Variants in WNT2B observed in about 807,000 individuals in gnomAD.
WNT2B encodes the protein protein Wnt-2b.
WNT2B carries 19 observed loss-of-function variants against 40.5 expected under a neutral mutation model. The observed-to-expected ratio is 0.47, with a 90% CI of 0.33 to 0.69. The LOEUF (loss-of-function observed/expected upper bound fraction) is 0.69. WNT2B is among the 30% of genes least tolerant of loss of function. WNT2B has a pLI of 0.02. For synonymous variants in WNT2B, 220 were observed against 211.9 expected (o/e 1.04, Z -0.33); for missense variants, 467 against 556.4 (o/e 0.84, Z 1.62).
In WNT2B at chr1:112,513,652, G is replaced by A. The variant is rs546625790; in HGVS notation, c.183-1222G>A. On this transcript the variant is annotated intron_variant, in intron 1 of 4. Transcript: ENST00000369684. ...CCACTTCTAGGCCCATTTTGGGGCC[G>A]TTCCCAAACCACAGGCTCATTCATA... Among the ~76,000 whole-genome samples the A allele has an allele frequency of 2.3e-4, 35 of 152,292 alleles. No homozygotes were observed. In the South Asian group the frequency reaches 7.0e-3, roughly 31 times the overall value.
At chr1:112,478,069 A>G (rs1651104357) in intron 1 of WNT2B, among the ~76,000 whole-genome samples, 1 of 152,152 alleles carries the variant, frequency 6.6e-6, no homozygotes, top group African/African-American at 2.4e-5. Flanking sequence ...CCTGGTCTGT[A>G]CAAAAAATGT....
chr1:112,528,556 T>C lies in WNT2B; in HGVS notation c.*8047T>C, dbSNP rs1051986044. 6.6e-6 allele frequency: 1 copy of C among 152,196 alleles called. No individual in the cohort carries two copies. Among genetic ancestry groups the C allele is most frequent in the African/African-American group, 2.4e-5 (1 of 41,454 alleles). The allele number at this position is 152,196 out of a possible 1,614,324, so 9.4% of individuals were successfully genotyped here. On this transcript the variant is annotated 3_prime_UTR_variant, in exon 5 of 5. Coordinates refer to ENST00000369684, the MANE Select transcript of WNT2B (RefSeq NM_024494.3). ...GCTACATATCATTAACTACAGCTCC[T>C]TATCATTTGAGATTCTGGGCTAAGT... is the stretch of plus-strand genomic sequence containing the variant.
In WNT2B at chr1:112,528,862, C is replaced by A. The variant is rs1361804045; in HGVS notation, c.*8353C>A. On this transcript the variant is annotated 3_prime_UTR_variant, in exon 5 of 5. Transcript: ENST00000369684. ...CAAAAGAGCTTTAGAGACTGCAAAA[C>A]CAGCTCACTAATAAATGAGGAACTT... is the stretch of plus-strand genomic sequence containing the variant. The A allele has an allele frequency of 6.6e-6, 1 of 152,112 alleles. No individual in the cohort carries two copies. The highest frequency in any genetic ancestry group is 2.4e-5 in the African/African-American group (1 of 41,416). The allele number at this position is 152,112 out of a possible 1,614,324, so 9.4% of individuals were successfully genotyped here. A position where few individuals can be genotyped will look rare whatever the true frequency, so the allele number is the denominator to read the frequency against.
intron 1 of WNT2B, among the ~76,000 whole-genome samples, chr1:112,492,196 AG>A (rs1651623459): frequency 2.6e-5 from 4 of 152,238 alleles, no homozygotes; most frequent in Admixed American, 2.6e-4. Flanking sequence ...GCATGTAAAA[AG>A]CTTGCAAGTC....
At chr1:112,468,043 G>T (rs1483039938) in intron 1 of WNT2B, among the ~76,000 whole-genome samples, 1 of 152,116 alleles carries the variant, frequency 6.6e-6, no homozygotes, top group Non-Finnish European at 1.5e-5. Flanking sequence ...TCCCACATAT[G>T]AGTAAGAACA....
intron 4 of WNT2B, among the ~76,000 whole-genome samples, 172 bp from the exon 5 acceptor site, chr1:112,520,108 G>C (rs1045661067): frequency 2.0e-5 from 3 of 152,118 alleles, no homozygotes; most frequent in African/African-American, 7.2e-5. Flanking sequence ...CTGGACTCAA[G>C]GATTCCTTCT....
intron 1 of WNT2B, among the ~76,000 whole-genome samples, chr1:112,476,622 C>G (rs1651061029): frequency 6.6e-6 from 1 of 152,222 alleles, no homozygotes; most frequent in African/African-American, 2.4e-5. Context: ...ATCTCCTGGA[C>G]ACAACCCACA....
Position 112,520,325 on chromosome 1 carries a change from G to C in WNT2B, c.992G>C (p.Gly331Ala). The change falls in exon 5 of 5, where the codon GGA becomes GCA. Residue 331 changes from glycine to alanine, a missense_variant. Around this residue, in one of 2 missense-constraint regions of WNT2B, gnomAD observed 330 missense variants for 438.6 expected, o/e 0.75. Coordinates refer to ENST00000369684, the MANE Select transcript of WNT2B (RefSeq NM_024494.3). The part of the protein sequence containing the change: ...AGRVCSKTSK[G>A]TDGCEIMCCG... ...CGTGTCTGCAGCAAGACATCAAAAG[G>C]AACAGACGGTTGTGAAATCATGTGC... 6.2e-7 allele frequency: 1 copy of C among 1,614,148 alleles called. No homozygotes were observed. Among genetic ancestry groups the C allele is most frequent in the Non-Finnish European group, 8.5e-7 (1 of 1,180,034 alleles).
rs1654104691 is a variant in WNT2B at position 112,529,954 on chromosome 1, T to C, written c.*9445T>C. 1 of 152,094 alleles carries C rather than the reference T, an allele frequency of 6.6e-6. No homozygotes were observed. Among genetic ancestry groups the C allele is most frequent in the South Asian group, 2.1e-4 (1 of 4,820 alleles). The allele number at this position is 152,094 out of a possible 1,614,324, so 9.4% of individuals were successfully genotyped here. ...GTGGGCTCCCTACCACCCAGAAATA[T>C]GAATGTGCCTCCTTACCAATATGCT... is the stretch of plus-strand genomic sequence containing the variant. On this transcript the variant is annotated 3_prime_UTR_variant, in exon 5 of 5. Coordinates refer to ENST00000369684, the MANE Select transcript of WNT2B (RefSeq NM_024494.3).
Position 112,529,087 on chromosome 1 carries a change from A to C in WNT2B, c.*8578A>C, listed in dbSNP as rs2101165184. 6.6e-6 allele frequency: 1 copy of C among 152,298 alleles called. No individual in the cohort carries two copies. The highest frequency in any genetic ancestry group is 1.5e-5 in the Non-Finnish European group (1 of 68,018). 9.4% of individuals were successfully genotyped at this position (152,298 alleles called of 1,614,324 possible). A position where few individuals can be genotyped will look rare whatever the true frequency, so the allele number is the denominator to read the frequency against. On this transcript the variant is annotated 3_prime_UTR_variant, in exon 5 of 5. Transcript: ENST00000369684. ...CCATAAGGGCAATCTTATTCTTCCA[A>C]AGCAGTTCCCTGGTGCCACTTTCAG...
chr1:112,508,891 A>T (rs933058795), upstream of WNT2B: 1 of 1,038,656 alleles, frequency 9.6e-7, no homozygotes, highest in African/African-American at 1.7e-5. This position sits in a 1 kb window ranked among gnomAD's most constrained non-coding sequence, Gnocchi z 4.2. Context: ...AGCCGCCCTA[A>T]GGGCCGCGCG....
chr1:112,500,086 A>G (rs565968831), intron 1 of WNT2B, among the ~76,000 whole-genome samples: 130 of 152,314 alleles, frequency 8.5e-4, no homozygotes, highest in Non-Finnish European at 1.4e-3. Flanking sequence ...AAAGTTAGGA[A>G]CTTTGAACTG....
chr1:112,491,550 C>T (rs989831685), intron 1 of WNT2B, among the ~76,000 whole-genome samples: 4 of 152,090 alleles, frequency 2.6e-5, no homozygotes, highest in African/African-American at 9.7e-5. Flanking sequence ...AAGAGCATTT[C>T]AGGCCAAGGG....
chr1:112,504,279 C>CGCCT (rs1354068491), upstream of WNT2B, among the ~76,000 whole-genome samples: 4 of 152,150 alleles, frequency 2.6e-5, no homozygotes, highest in Admixed American at 2.0e-4. Flanking sequence ...CACCTCCCCA[C>CGCCT]GCCTCCTCTC....
At chr1:112,481,169 CAAA>C (rs66462658) in intron 1 of WNT2B, among the ~76,000 whole-genome samples, 46 of 136,996 alleles carry the variant, frequency 3.4e-4, no homozygotes, top group African/African-American at 9.6e-4. Context: ...AATTTCGTCT[CAAA>C]AAAAAAAAAA....
At chr1:112,475,877 T>C (rs1651041927) in intron 1 of WNT2B, among the ~76,000 whole-genome samples, 1 of 152,208 alleles carries the variant, frequency 6.6e-6, no homozygotes, top group South Asian at 2.1e-4. Flanking sequence ...GATTGTCCAA[T>C]TGTATTTTAA....
At chr1:112,467,329 G>A in exon 1 of WNT2B, 1 of 523,898 alleles carries the variant, frequency 1.9e-6, no homozygotes, top group Non-Finnish European at 3.4e-6. Context: ...CTGGAAGCCT[G>A]AATTGAGGAG....
intron 1 of WNT2B, among the ~76,000 whole-genome samples, chr1:112,488,127 T>C (rs1468519101): frequency 1.3e-5 from 2 of 151,820 alleles, no homozygotes; most frequent in Non-Finnish European, 2.9e-5. Flanking sequence ...TGGAACTCCG[T>C]CTCTACCAAA....
chr1:112,502,697 C>T (rs1405440950), intron 1 of WNT2B, among the ~76,000 whole-genome samples: 6 of 151,968 alleles, frequency 3.9e-5, no homozygotes, highest in African/African-American at 1.2e-4. Flanking sequence ...GAGGAGAGTA[C>T]ACACACATAA....
Sources: gnomAD v4.1 joint callset for allele counts (sites outside exome capture counted in the v4.1 genomes callset) on GRCh38, gnomAD v4.1.1 for gene constraint, gnomAD v4.1.1 regional missense constraint, Gnocchi (gnomAD v3.1) non-coding constraint, MANE v1.5 for transcripts, NCBI Gene and HGNC (gene_info 2026-07-23, HGNC 2026-07-21) for gene names.